NECTIN3: variants seen among roughly 807,000 people sequenced by gnomAD.
NECTIN3 encodes the protein nectin cell adhesion molecule 3.
Under a neutral mutation model 49.4 loss-of-function variants are expected in NECTIN3, and 8 were observed. The observed-to-expected ratio is 0.16, with a 90% CI of 0.10 to 0.29. The LOEUF (loss-of-function observed/expected upper bound fraction) is 0.29. Among genes scored for constraint, NECTIN3 ranks in the 10% least tolerant of loss-of-function variants. The pLI, the probability that NECTIN3 is intolerant of heterozygous loss-of-function variation, is 1.00. For missense variants in NECTIN3, 581 were observed against 654.6 expected, an observed-to-expected ratio of 0.89 and a Z score of 1.23; for synonymous variants, 277 against 241.1, an observed-to-expected ratio of 1.15 and a Z score of -1.38.
intron 4 of NECTIN3, among the ~76,000 whole-genome samples, chr3:111,123,018 T>C (rs566181163): frequency 6.6e-6 from 1 of 151,936 alleles, no homozygotes; most frequent in Admixed American, 6.5e-5. Flanking sequence ...CCTAGAAGAT[T>C]TTCTTGATTT....
chr3:111,120,835 C>T (rs536866204), intron 3 of NECTIN3, among the ~76,000 whole-genome samples: 1 of 151,974 alleles, frequency 6.6e-6, no homozygotes, highest in African/African-American at 2.4e-5. Flanking sequence ...TTAGGCCTTT[C>T]TTTTTATATT....
chr3:111,168,845 C>T (rs2035375998), intron 7 of NECTIN3, among the ~76,000 whole-genome samples: 1 of 152,158 alleles, frequency 6.6e-6, no homozygotes, highest in African/African-American at 2.4e-5. Context: ...ATGTCTGGCA[C>T]ACATTAGGCA....
At chr3:111,113,710 T>C (rs2033568748) in intron 2 of NECTIN3, among the ~76,000 whole-genome samples, 1 of 151,996 alleles carries the variant, frequency 6.6e-6, no homozygotes, top group African/African-American at 2.4e-5. Context: ...CACAAAGTAC[T>C]GTATGGCTCA....
chr3:111,157,522 A>G (rs2035122024), intron 7 of NECTIN3, among the ~76,000 whole-genome samples: 1 of 151,998 alleles, frequency 6.6e-6, no homozygotes, highest in Non-Finnish European at 1.5e-5. Flanking sequence ...TTGATTGGGG[A>G]ATGTAGTTTT....
chr3:111,101,627 A>G (rs1055201306), intron 1 of NECTIN3, among the ~76,000 whole-genome samples: 2 of 152,136 alleles, frequency 1.3e-5, no homozygotes, highest in Non-Finnish European at 1.5e-5. Context: ...CAGTGATGCA[A>G]ATATAATGTA....
At chr3:111,192,411 T>C in exon 1 of NECTIN3, 1 of 1,534,730 alleles carries the variant, frequency 6.5e-7, no homozygotes, top group Non-Finnish European at 8.7e-7. Context: ...TCTTCAGCAC[T>C]CTGTAAGTAA....
In NECTIN3 at chr3:111,072,324, G is replaced by C. The variant is rs2107340210; in HGVS notation, c.160+147G>C. On this transcript the variant is annotated intron_variant, in intron 1 of 5. Coordinates refer to ENST00000485303, the MANE Select transcript of NECTIN3 (RefSeq NM_015480.3). ...CGAGGACTTTGGCTGGAAACTTTTC[G>C]CCGCGCCCGGGGCGAGGCCCTGGAA... is the stretch of plus-strand genomic sequence containing the variant. 10 of 1,432,024 alleles carry C rather than the reference G, an allele frequency of 7.0e-6. No homozygotes were observed. The South Asian group carries it at 1.2e-4, about 17-fold the overall frequency. The allele number at this position is 1,432,024 out of a possible 1,614,324, so 88.7% of individuals were successfully genotyped here. A position where few individuals can be genotyped will look rare whatever the true frequency, so the allele number is the denominator to read the frequency against.
intron 1 of NECTIN3, among the ~76,000 whole-genome samples, chr3:111,108,333 T>C (rs189137646): frequency 1.3e-5 from 2 of 152,016 alleles, no homozygotes; most frequent in Admixed American, 1.3e-4. Flanking sequence ...GCTGTCATGC[T>C]GAGAGAGAGG....
At chr3:111,087,350 T>A (rs183096177) in intron 1 of NECTIN3, among the ~76,000 whole-genome samples, 30 of 151,976 alleles carry the variant, frequency 2.0e-4, no homozygotes, top group African/African-American at 6.3e-4. Flanking sequence ...TTGTAGCATT[T>A]AAAAAAAATA....
chr3:111,081,734 G>T (rs2107365315), intron 1 of NECTIN3, among the ~76,000 whole-genome samples: 1 of 152,288 alleles, frequency 6.6e-6, no homozygotes, highest in Non-Finnish European at 1.5e-5. Flanking sequence ...CTGTTTGTGA[G>T]GGAAAGTCAG....
In NECTIN3 at chr3:111,075,966, T is replaced by A. The variant is rs565190946; in HGVS notation, c.160+3789T>A. Among the ~76,000 whole-genome samples, 4 of 152,182 alleles carry A rather than the reference T, an allele frequency of 2.6e-5. No homozygotes were observed. In the South Asian group the frequency reaches 6.2e-4, roughly 24 times the overall value. On this transcript the variant is annotated intron_variant, in intron 1 of 5. Coordinates refer to ENST00000485303, the MANE Select transcript of NECTIN3 (RefSeq NM_015480.3). ...CTATAGTACATATTGCCTGCATGAG[T>A]CTTTCTGCATCCTAAACAGATATTT...
chr3:111,123,109 C>CGGA (rs1329025388), intron 4 of NECTIN3, among the ~76,000 whole-genome samples: 2 of 151,692 alleles, frequency 1.3e-5, no homozygotes, highest in East Asian at 3.9e-4. Flanking sequence ...TCTCATAAGA[C>CGGA]GGAGCATCTT....
chr3:111,192,203 C>G, upstream of NECTIN3: 1 of 676,850 alleles, frequency 1.5e-6, no homozygotes. Context: ...AATATGGTTA[C>G]TTTTTCTTAC....
chr3:111,192,731 T>C (rs891597761), intron 1 of NECTIN3, among the ~76,000 whole-genome samples: 1 of 152,084 alleles, frequency 6.6e-6, no homozygotes, highest in Non-Finnish European at 1.5e-5. Flanking sequence ...TTCTTTTCAG[T>C]TTTATCAGGC....
rs776037424 is a variant in NECTIN3, at chr3:111,112,081, G to C, written c.212G>C (p.Gly71Ala). The C allele has an allele frequency of 3.1e-6, 5 of 1,613,476 alleles. No homozygotes were observed. The highest frequency in any genetic ancestry group is 1.3e-5 in the African/African-American group (1 of 74,856). Residue 71 changes from glycine (G) to alanine (A), a missense_variant, in exon 2 of 6, where the codon GGA (glycine) becomes GCA (alanine). Gly to Ala is a moderately conservative substitution (Grantham distance 60). Transcript: ENST00000485303. ...IVEPHVTAVW[G>A]KNVSLKCLIE... is the part of the protein sequence containing the mutation. ...GAGCCACATGTCACAGCAGTATGGG[G>C]AAAGAATGTTTCATTAAAGTGTTTA...
chr3:111,144,759 T>G, intron 5 of NECTIN3: 1 of 821,354 alleles, frequency 1.2e-6, no homozygotes, highest in Non-Finnish European at 1.8e-6. Flanking sequence ...CTAAACCTAA[T>G]GAATGAAATT....
chr3:111,118,261 T>TATATATAC (rs1553723401), intron 2 of NECTIN3, among the ~76,000 whole-genome samples: 7 of 125,554 alleles, frequency 5.6e-5, no homozygotes, highest in African/African-American at 2.0e-4. Flanking sequence ...TATATATATA[T>TATATATAC]ATATATATAT....
chr3:111,193,677 C>T, intron 1 of NECTIN3: 1 of 318,364 alleles, frequency 3.1e-6, no homozygotes, highest in Admixed American at 4.3e-5. Flanking sequence ...ACAGCATCTG[C>T]CTGTGATAAC....
At chr3:111,088,244 T>C (rs542356263) in intron 1 of NECTIN3, among the ~76,000 whole-genome samples, 14 of 152,290 alleles carry the variant, frequency 9.2e-5, no homozygotes, top group African/African-American at 3.4e-4. Context: ...ACCTCCTCTC[T>C]AGCTTTGTTG....
Sources: allele counts gnomAD v4.1 joint callset (sites outside exome capture counted in the v4.1 genomes callset), GRCh38; gene constraint gnomAD v4.1.1; transcripts MANE v1.5; gene names NCBI Gene and HGNC (gene_info 2026-07-23, HGNC 2026-07-21).